The following ZMYND11 variants were observed in gnomAD, a reference collection of about 807,000 sequenced individuals.
ZMYND11 encodes zinc finger MYND-type containing 11, also known as zinc finger MYND domain-containing protein 11.
Under a neutral mutation model 84.9 loss-of-function variants are expected in ZMYND11, and 9 were observed. The observed-to-expected ratio is 0.11, with a 90% CI of 0.06 to 0.18. ZMYND11 has a LOEUF of 0.18. Ranked by LOEUF, ZMYND11 falls within the 10% of genes least tolerant of loss-of-function variation. The pLI, the probability that ZMYND11 is intolerant of heterozygous loss-of-function variation, is 1.00. For missense variants in ZMYND11, 409 were observed against 761.0 expected, an observed-to-expected ratio of 0.54 and a Z score of 5.44; for synonymous variants, 250 against 244.1, an observed-to-expected ratio of 1.02 and a Z score of -0.23.
At position 236,882 on chromosome 10, in the gene ZMYND11, C is replaced by T. The variant is rs572642917; in HGVS notation, c.483C>T (p.Tyr161=). 1.9e-6 allele frequency: 3 copies of T among 1,613,306 alleles called. No homozygotes were observed. The highest frequency in any genetic ancestry group is 2.5e-6 in the Non-Finnish European group (3 of 1,179,786). ...CAAACAAACAGGAGATGGGCACATA[C>T]CTCAGATTCATTGTCTCCCGCATGA... ...KNTNKQEMGT[Y]LRFIVSRMKE... Residue 161 remains tyrosine, a synonymous_variant, in exon 5 of 15, where the codon TAC becomes TAT. Coordinates refer to ENST00000381604, the MANE Select transcript of ZMYND11 (RefSeq NM_001370100.5).
chr10:201,564 T>A (rs2131108193), intron 2 of ZMYND11, among the ~76,000 whole-genome samples: 1 of 97,846 alleles, frequency 1.0e-5, no homozygotes, highest in Admixed American at 1.2e-4. Context: ...TGTTAAATAA[T>A]CAGTGGCTGT....
intron 1 of ZMYND11, among the ~76,000 whole-genome samples, chr10:162,202 AAC>A (rs1434058743): frequency 6.6e-6 from 1 of 152,170 alleles, no homozygotes; most frequent in Admixed American, 6.5e-5. Flanking sequence ...GGGCAGTCAG[AAC>A]ACACACAACA....
chr10:210,238 A>G (rs1441950474), intron 3 of ZMYND11, among the ~76,000 whole-genome samples, 190 bp downstream of exon 3: 1 of 152,218 alleles, frequency 6.6e-6, no homozygotes, highest in Non-Finnish European at 1.5e-5. Context: ...ACTCACTTTT[A>G]CAAAGATCCT....
At chr10:244,668 G>A (rs1345351026) in intron 10 of ZMYND11, 1 of 152,266 alleles carries the variant, frequency 6.6e-6, no homozygotes, top group Non-Finnish European at 1.5e-5. Context: ...ATTTTATTCT[G>A]CAAATGTAGT....
At chr10:164,547 G>T (rs185763760) in intron 1 of ZMYND11, among the ~76,000 whole-genome samples, 22 of 152,206 alleles carry the variant, frequency 1.4e-4, no homozygotes, top group Admixed American at 1.1e-3. Flanking sequence ...ATAGTATAAA[G>T]AAAAAGAAAG....
chr10:229,191 C>T (rs188112692), intron 4 of ZMYND11, among the ~76,000 whole-genome samples: 4 of 152,256 alleles, frequency 2.6e-5, no homozygotes, highest in Admixed American at 1.3e-4. Flanking sequence ...GATACAGCCA[C>T]AGTGGCATTC....
At chr10:194,218 G>A (rs998950326) in intron 2 of ZMYND11, among the ~76,000 whole-genome samples, 9 of 151,250 alleles carry the variant, frequency 6.0e-5, no homozygotes, top group Admixed American at 1.3e-4. Flanking sequence ...TCGAACTCCA[G>A]GGCTCAGGCG....
At chr10:134,844 T>C (rs1483179511), upstream of ZMYND11, 2 of 151,940 alleles carry the variant, frequency 1.3e-5, no homozygotes, top group African/African-American at 4.8e-5. Context: ...CAGAGGAATA[T>C]GCTCCAACAA....
intron 3 of ZMYND11, among the ~76,000 whole-genome samples, chr10:213,919 A>G (rs973062055): frequency 1.3e-5 from 2 of 152,200 alleles, no homozygotes; most frequent in Non-Finnish European, 2.9e-5. Context: ...GCATATATTG[A>G]ACAAGATTAC....
chr10:144,474 G>A (rs1460225088), intron 1 of ZMYND11, among the ~76,000 whole-genome samples: 2 of 151,768 alleles, frequency 1.3e-5, no homozygotes, highest in African/African-American at 4.8e-5. Flanking sequence ...TGCCCATCAC[G>A]GCCTCCCAAA....
chr10:218,998 C>G (rs925009013), intron 3 of ZMYND11, among the ~76,000 whole-genome samples: 1 of 152,186 alleles, frequency 6.6e-6, no homozygotes, highest in Admixed American at 6.5e-5. Context: ...AAACAATCAA[C>G]AGCACTGCTT....
chr10:182,844 C>T (rs566054283), intron 2 of ZMYND11, among the ~76,000 whole-genome samples: 1 of 152,266 alleles, frequency 6.6e-6, no homozygotes, highest in African/African-American at 2.4e-5. Flanking sequence ...AAGCCTAATA[C>T]TCCTATTCTG....
intron 1 of ZMYND11, among the ~76,000 whole-genome samples, chr10:153,993 G>C (rs529484711): frequency 4.3e-4 from 65 of 152,308 alleles, no homozygotes; most frequent in Non-Finnish European, 8.2e-4. Context: ...ACGTTTTCCT[G>C]ACCCTGTGTA....
intron 10 of ZMYND11, among the ~76,000 whole-genome samples, chr10:244,788 C>A (rs1400024219): frequency 6.6e-6 from 1 of 152,244 alleles, no homozygotes; most frequent in Non-Finnish European, 1.5e-5. Flanking sequence ...AGAGCATACC[C>A]CGTGATAATC....
chr10:166,293 T>G (rs192057334), intron 1 of ZMYND11, among the ~76,000 whole-genome samples: 1 of 152,212 alleles, frequency 6.6e-6, no homozygotes, highest in East Asian at 1.9e-4. Flanking sequence ...AGGACCTTAT[T>G]AAGAAAGCGT....
At chr10:182,949 A>G (rs1435305993) in intron 2 of ZMYND11, among the ~76,000 whole-genome samples, 1 of 152,152 alleles carries the variant, frequency 6.6e-6, no homozygotes, top group Non-Finnish European at 1.5e-5. Context: ...AATCTTTTAA[A>G]CTTTGCAGAT....
intron 1 of ZMYND11, among the ~76,000 whole-genome samples, chr10:153,802 CGTT>C (rs1325962537): frequency 1.3e-5 from 2 of 152,148 alleles, no homozygotes; most frequent in East Asian, 3.9e-4. Context: ...TTGCCAGTGT[CGTT>C]GTAAAACAAG....
intron 11 of ZMYND11, 144 bp from the exon 12 acceptor site, chr10:247,254 T>A: frequency 1.0e-6 from 1 of 969,768 alleles, no homozygotes; most frequent in Non-Finnish European, 1.5e-6. Flanking sequence ...AACAGTAAAT[T>A]AAGTCAGTGG....
intron 6 of ZMYND11, among the ~76,000 whole-genome samples, chr10:237,959 G>A (rs1359701299): frequency 6.6e-6 from 1 of 152,140 alleles, no homozygotes; most frequent in Non-Finnish European, 1.5e-5. Flanking sequence ...TTAAGAAAAT[G>A]CCTTACAGCC....
Sources: gnomAD v4.1 joint callset for allele counts (sites outside exome capture counted in the v4.1 genomes callset) on GRCh38, gnomAD v4.1.1 for gene constraint, MANE v1.5 for transcripts, NCBI Gene and HGNC (gene_info 2026-07-23, HGNC 2026-07-21) for gene names.